Variants in ACYP2 observed in about 807,000 individuals in gnomAD.
ACYP2 encodes the protein acylphosphatase 2.
ACYP2 carries 12 observed loss-of-function variants against 11.2 expected under a neutral mutation model. The observed-to-expected ratio is 1.08, with a 90% CI of 0.69 to 1.74. ACYP2 has a LOEUF of 1.74. ACYP2 is among the 40% of genes most tolerant of loss of function. The pLI is 0.00. For synonymous variants in ACYP2, 43 were observed against 32.2 expected (o/e 1.33, Z -1.13); for missense variants, 134 against 101.9 (o/e 1.31, Z -1.35).
In ACYP2 at chr2:54,162,040, TA is replaced by T. The variant is rs550354739; in HGVS notation, c.404+23293del. Among the ~76,000 whole-genome samples the T allele has an allele frequency of 6.0e-3, 912 of 152,306 alleles. 8 individuals carry two copies. The highest frequency in any genetic ancestry group is 0.021 in the African/African-American group (878 of 41,556). Reference sequence around the variant, plus strand: ...GTTGTTTCACAACCATATAGATTCTTACTTTTTTTTGTTATTGTTCAATTGC... The same window carrying T: ...GTTGTTTCACAACCATATAGATTCTTCTTTTTTTTGTTATTGTTCAATTGC... On this transcript the variant is annotated intron_variant, in intron 6 of 6. Coordinates refer to ENST00000607452, the MANE Select transcript of ACYP2 (RefSeq NM_001320586.2).
At chr2:54,018,215 G>A (rs1673803147) in intron 2 of ACYP2, among the ~76,000 whole-genome samples, 1 of 152,138 alleles carries the variant, frequency 6.6e-6, no homozygotes, top group African/African-American at 2.4e-5. Flanking sequence ...CACCTAGAGG[G>A]TTTCACTGAG....
chr2:54,200,946 T>C (rs1558607612), intron 6 of ACYP2, among the ~76,000 whole-genome samples: 1 of 152,162 alleles, frequency 6.6e-6, no homozygotes, highest in South Asian at 2.1e-4. Flanking sequence ...TTATAACTAT[T>C]CTAGAGTGGT....
chr2:54,007,138 C>CAAAAAAAAA (rs70944145), intron 2 of ACYP2, among the ~76,000 whole-genome samples: 33 of 52,174 alleles, frequency 6.3e-4, no homozygotes, highest in East Asian at 1.3e-3. Context: ...GACTCTGTGT[C>CAAAAAAAAA]AAAAAAAAAA....
intron 2 of ACYP2, among the ~76,000 whole-genome samples, chr2:53,996,298 C>T (rs1672571176): frequency 6.6e-6 from 1 of 151,918 alleles, no homozygotes. Flanking sequence ...GTTGGAAGTG[C>T]AAGAAGTGTA....
intron 4 of ACYP2, among the ~76,000 whole-genome samples, chr2:54,106,157 A>G (rs1018744164): frequency 2.6e-5 from 4 of 152,216 alleles, no homozygotes; most frequent in Non-Finnish European, 5.9e-5. Flanking sequence ...AATCAGCAAA[A>G]TGTTTTTCAG....
intron 6 of ACYP2, among the ~76,000 whole-genome samples, chr2:54,176,548 C>T (rs894336048): frequency 1.3e-4 from 20 of 152,162 alleles, no homozygotes; most frequent in Admixed American, 5.9e-4. Flanking sequence ...TGTTTTAGAA[C>T]ACTTGGAACA....
intron 4 of ACYP2, among the ~76,000 whole-genome samples, chr2:54,121,217 C>G (rs1047016158): frequency 1.3e-5 from 2 of 152,130 alleles, no homozygotes; most frequent in African/African-American, 4.8e-5. Flanking sequence ...GGGTAGCCCT[C>G]TGTGTGAGAG....
intron 6 of ACYP2, among the ~76,000 whole-genome samples, chr2:54,250,003 CTTAAG>C (rs1260171841): frequency 6.8e-6 from 1 of 146,824 alleles, no homozygotes; most frequent in Non-Finnish European, 1.5e-5. Context: ...AAGTGGTTTG[CTTAAG>C]TTAACATCTG....
At chr2:54,280,383 T>C (rs1688795657) in intron 6 of ACYP2, among the ~76,000 whole-genome samples, 1 of 151,826 alleles carries the variant, frequency 6.6e-6, no homozygotes, top group Non-Finnish European at 1.5e-5. Flanking sequence ...GAAGGGGGCA[T>C]GGAGGTAGAG....
chr2:54,290,638 G>A (rs1394807481), intron 6 of ACYP2, among the ~76,000 whole-genome samples: 1 of 151,892 alleles, frequency 6.6e-6, no homozygotes, highest in Non-Finnish European at 1.5e-5. Flanking sequence ...CCACAATTTG[G>A]CACTAGATTA....
intron 6 of ACYP2, among the ~76,000 whole-genome samples, chr2:54,228,249 CA>C (rs1182520992): frequency 6.6e-6 from 1 of 152,192 alleles, no homozygotes; most frequent in Non-Finnish European, 1.5e-5. Flanking sequence ...AGATCTTTAT[CA>C]TTGAGCAAAG....
chr2:54,167,418 C>T (rs568481151), intron 6 of ACYP2, among the ~76,000 whole-genome samples: 31 of 152,300 alleles, frequency 2.0e-4, no homozygotes, highest in Non-Finnish European at 3.4e-4. Context: ...CTTTTGGACA[C>T]TGTATTACAA....
In ACYP2 at chr2:54,170,565, GT is replaced by G. The variant is rs56896817; in HGVS notation, c.404+31832del. Among the ~76,000 whole-genome samples, 1,158 of 128,488 alleles carry G rather than the reference GT, an allele frequency of 9.0e-3. 16 individuals are homozygous for G. Among genetic ancestry groups the G allele is most frequent in the African/African-American group, 0.029 (921 of 31,898 alleles). The allele number at this position is 128,488 out of a possible 152,430, so 84.3% of individuals were successfully genotyped here. On this transcript the variant is annotated intron_variant, in intron 6 of 6. Coordinates refer to ENST00000607452, the MANE Select transcript of ACYP2 (RefSeq NM_001320586.2). Reference sequence around the variant, plus strand: ...TGTTGCAGAAATTTTTCTTAAAACAGTTTTTTTTTTTTTTTAAAATCACAGA... The same window carrying G: ...TGTTGCAGAAATTTTTCTTAAAACAGTTTTTTTTTTTTTTAAAATCACAGA...
intron 6 of ACYP2, among the ~76,000 whole-genome samples, chr2:54,238,155 T>C (rs1324505088): frequency 2.0e-5 from 3 of 152,196 alleles, no homozygotes; most frequent in Non-Finnish European, 4.4e-5. Context: ...TCCAGACCTC[T>C]CCTCTCCCAT....
chr2:54,116,963 G>A (rs866313444), intron 4 of ACYP2, among the ~76,000 whole-genome samples: 12 of 152,168 alleles, frequency 7.9e-5, no homozygotes, highest in African/African-American at 2.4e-4. Flanking sequence ...GTCAGAGCAG[G>A]TGACCAGGGG....
At chr2:54,285,597 A>G (rs560214796) in intron 6 of ACYP2, among the ~76,000 whole-genome samples, 1 of 152,326 alleles carries the variant, frequency 6.6e-6, no homozygotes, top group East Asian at 1.9e-4. Context: ...GCTGTCCTCC[A>G]GTAATCATCC....
At chr2:54,142,227 C>T (rs1042052139) in intron 6 of ACYP2, 3 of 268,006 alleles carry the variant, frequency 1.1e-5, no homozygotes, top group Non-Finnish European at 1.4e-5. Flanking sequence ...TTTCCATATA[C>T]TCCCCACACA....
chr2:54,022,117 T>C (rs1437653262), intron 2 of ACYP2, among the ~76,000 whole-genome samples: 1 of 152,220 alleles, frequency 6.6e-6, no homozygotes, highest in Non-Finnish European at 1.5e-5. Context: ...ATTTGTCATC[T>C]TGATTCACCA....
At chr2:54,007,928 C>T (rs542472703) in intron 2 of ACYP2, among the ~76,000 whole-genome samples, 2 of 152,214 alleles carry the variant, frequency 1.3e-5, no homozygotes, top group African/African-American at 4.8e-5. Flanking sequence ...GGAAGGGCTA[C>T]TATCATCCTT....
Sources: gnomAD v4.1 joint callset for allele counts (sites outside exome capture counted in the v4.1 genomes callset) on GRCh38, gnomAD v4.1.1 for gene constraint, MANE v1.5 for transcripts, NCBI Gene and HGNC (gene_info 2026-07-23, HGNC 2026-07-21) for gene names.